Variants in EEFSEC observed in about 807,000 individuals in gnomAD.
EEFSEC encodes eukaryotic elongation factor, selenocysteine-tRNA specific, also known as selenocysteine-specific elongation factor.
EEFSEC carries 43 observed loss-of-function variants against 42.1 expected under a neutral mutation model. The observed-to-expected ratio is 1.02, with a 90% CI of 0.80 to 1.32. The LOEUF is 1.32. Ranked by LOEUF, EEFSEC falls within the 40% of genes most tolerant of loss-of-function variation. The pLI, the probability that EEFSEC is intolerant of heterozygous loss-of-function variation, is 0.00. For synonymous variants in EEFSEC, 354 were observed against 339.1 expected, an observed-to-expected ratio of 1.04 and a Z score of -0.48; for missense variants, 745 against 803.6, an observed-to-expected ratio of 0.93 and a Z score of 0.88.
chr3:128,245,255 G>A (rs565998614), intron 1 of EEFSEC, among the ~76,000 whole-genome samples: 16 of 152,340 alleles, frequency 1.1e-4, no homozygotes, highest in African/African-American at 3.8e-4. Context: ...CTGGAACAGA[G>A]AAAGAGTCCA....
At chr3:128,158,490 G>C (rs1689828026) in intron 1 of EEFSEC, among the ~76,000 whole-genome samples, 1 of 152,188 alleles carries the variant, frequency 6.6e-6, no homozygotes, top group African/African-American at 2.4e-5. Flanking sequence ...GATTGCCACA[G>C]TCACCCCAAC....
intron 6 of EEFSEC, among the ~76,000 whole-genome samples, chr3:128,407,426 G>A (rs779379164): frequency 2.6e-5 from 4 of 152,198 alleles, no homozygotes; most frequent in African/African-American, 4.8e-5. Flanking sequence ...AAACTGAGCC[G>A]AGGGGGCACT....
chr3:128,218,204 GA>G (rs1399089116), intron 1 of EEFSEC, among the ~76,000 whole-genome samples: 1 of 152,026 alleles, frequency 6.6e-6, no homozygotes, highest in Non-Finnish European at 1.5e-5. Flanking sequence ...AAAAATGAAA[GA>G]AAAAAGAGAC....
At chr3:128,220,402 C>T (rs2065850277) in intron 1 of EEFSEC, among the ~76,000 whole-genome samples, 1 of 152,182 alleles carries the variant, frequency 6.6e-6, no homozygotes, top group Non-Finnish European at 1.5e-5. Flanking sequence ...ACCAAAGCCC[C>T]AGCACACGTA....
chr3:128,253,780 T>C (rs1194465223), intron 2 of EEFSEC, among the ~76,000 whole-genome samples: 1 of 152,174 alleles, frequency 6.6e-6, no homozygotes, highest in Non-Finnish European at 1.5e-5. Flanking sequence ...GTGGGGGCAG[T>C]GTGTCATGTC....
chr3:128,212,646 C>G (rs555088398), intron 1 of EEFSEC, among the ~76,000 whole-genome samples: 81 of 152,300 alleles, frequency 5.3e-4, no homozygotes, highest in African/African-American at 1.9e-3. Flanking sequence ...GGTTTAGAAA[C>G]AGGGCTTTTG....
rs77001644 is a variant in EEFSEC at position 128,243,735 on chromosome 3, G to C, written c.317-3101G>C. Among the ~76,000 whole-genome samples the C allele has an allele frequency of 2.8e-4, 42 of 152,278 alleles. No homozygotes were observed. In the East Asian group the frequency reaches 6.6e-3, roughly 24 times the overall value. Reference sequence around the variant, plus strand: ...AAGGGAAAGGGGCGAGAGTCCACCTGGGTCCTACCTTGATCTTTAGATGGG... The same window carrying C: ...AAGGGAAAGGGGCGAGAGTCCACCTCGGTCCTACCTTGATCTTTAGATGGG... On this transcript the variant is annotated intron_variant, in intron 1 of 6. Transcript: ENST00000254730.
intron 4 of EEFSEC, among the ~76,000 whole-genome samples, chr3:128,290,303 A>G (rs1054621781): frequency 3.3e-5 from 5 of 151,204 alleles, no homozygotes; most frequent in African/African-American, 9.7e-5. Context: ...TTCCTCATAT[A>G]TGTATGCATT....
At chr3:128,192,909 G>T (rs928572074) in intron 1 of EEFSEC, among the ~76,000 whole-genome samples, 1 of 152,118 alleles carries the variant, frequency 6.6e-6, no homozygotes, top group Non-Finnish European at 1.5e-5. Flanking sequence ...TCAGGGCAGG[G>T]GGGCATCTGC....
chr3:128,418,639 C>T, the EEFSEC span, among the ~76,000 whole-genome samples: 1 of 151,688 alleles, frequency 6.6e-6, no homozygotes, highest in African/African-American at 2.4e-5. Flanking sequence ...CTGCTCACAC[C>T]CCAACTCTGC....
At chr3:128,340,868 G>A (rs764744293) in intron 4 of EEFSEC, among the ~76,000 whole-genome samples, 14 of 152,200 alleles carry the variant, frequency 9.2e-5, no homozygotes, top group Non-Finnish European at 1.5e-4. Flanking sequence ...GCTGGAAAAT[G>A]CTAGCATGAT....
At chr3:128,390,418 A>AT (rs1343444136) in intron 6 of EEFSEC, among the ~76,000 whole-genome samples, 1 of 152,172 alleles carries the variant, frequency 6.6e-6, no homozygotes, top group African/African-American at 2.4e-5. Flanking sequence ...TTGCCACTGT[A>AT]TTTTGGGAGG....
intron 4 of EEFSEC, among the ~76,000 whole-genome samples, chr3:128,309,301 C>T (rs778378342): frequency 4.6e-5 from 7 of 151,798 alleles, no homozygotes; most frequent in African/African-American, 7.3e-5. Context: ...AGAGGGGAGG[C>T]GATAGCTGAG....
chr3:128,311,638 C>T (rs902295148), intron 4 of EEFSEC, among the ~76,000 whole-genome samples: 1 of 152,302 alleles, frequency 6.6e-6, no homozygotes, highest in Non-Finnish European at 1.5e-5. Flanking sequence ...TTTCAGGCTT[C>T]GGTAGCACTC....
chr3:128,328,790 C>T (rs2067093233), intron 4 of EEFSEC, among the ~76,000 whole-genome samples: 1 of 152,186 alleles, frequency 6.6e-6, no homozygotes, highest in Non-Finnish European at 1.5e-5. Context: ...GAGAGTGCCT[C>T]GCCGTTTTAC....
At chr3:128,243,037 T>TC (rs1353493453) in intron 1 of EEFSEC, among the ~76,000 whole-genome samples, 1 of 152,090 alleles carries the variant, frequency 6.6e-6, no homozygotes, top group African/African-American at 2.4e-5. Flanking sequence ...TGATCAAAAG[T>TC]TTGATGAAGA....
intron 1 of EEFSEC, among the ~76,000 whole-genome samples, chr3:128,226,985 A>G (rs1305729937): frequency 6.6e-6 from 1 of 152,068 alleles, no homozygotes; most frequent in Non-Finnish European, 1.5e-5. Flanking sequence ...TGTCGCCTCC[A>G]CCAGGGGGCC....
At chr3:128,351,734 T>C (rs148668710) in intron 5 of EEFSEC, among the ~76,000 whole-genome samples, 1 of 152,306 alleles carries the variant, frequency 6.6e-6, no homozygotes, top group East Asian at 1.9e-4. Context: ...CCAGGGACAA[T>C]GGGGACCCAC....
chr3:128,156,644 CAT>C (rs1351560314), intron 1 of EEFSEC, among the ~76,000 whole-genome samples: 1 of 152,228 alleles, frequency 6.6e-6, no homozygotes, highest in Admixed American at 6.5e-5. Context: ...ATTTCAAACA[CAT>C]GTCATCTGTT....
Sources: gnomAD v4.1 joint callset for allele counts (sites outside exome capture counted in the v4.1 genomes callset) on GRCh38, gnomAD v4.1.1 for gene constraint, MANE v1.5 for transcripts, NCBI Gene and HGNC (gene_info 2026-07-23, HGNC 2026-07-21) for gene names.